OCA2: variants seen among roughly 807,000 people sequenced by gnomAD.
The protein encoded by OCA2 is P protein.
Under a neutral mutation model 100.2 loss-of-function variants are expected in OCA2, and 77 were observed. The ratio of observed to expected loss-of-function variants is 0.77; its 90% CI spans 0.64 to 0.93. OCA2 has a LOEUF of 0.93. OCA2 is among the 40% of genes least tolerant of loss of function. OCA2 has a pLI of 0.00. For synonymous variants in OCA2, 432 were observed against 439.2 expected, an observed-to-expected ratio of 0.98 and a Z score of 0.21; for missense variants, 1,062 against 1,089.1, an observed-to-expected ratio of 0.98 and a Z score of 0.35.
chr15:28,069,820 C>A (rs1186683648), intron 2 of OCA2, among the ~76,000 whole-genome samples: 1 of 132,644 alleles, frequency 7.5e-6, no homozygotes, highest in East Asian at 2.5e-4. Flanking sequence ...TGCCCGGCCG[C>A]CACCCCGTCT....
At chr15:27,759,551 G>A (rs961930055) in intron 23 of OCA2, among the ~76,000 whole-genome samples, 3 of 151,954 alleles carry the variant, frequency 2.0e-5, no homozygotes, top group Admixed American at 1.3e-4. Context: ...GTATATTTCA[G>A]AGCAAAGAAC....
At chr15:27,942,535 A>G (rs1464894428) in intron 18 of OCA2, among the ~76,000 whole-genome samples, 1 of 152,092 alleles carries the variant, frequency 6.6e-6, no homozygotes, top group East Asian at 1.9e-4. Flanking sequence ...AGTGACTACT[A>G]ATGGGTATAG....
intron 23 of OCA2, among the ~76,000 whole-genome samples, chr15:27,772,849 A>AAAG (rs1352114600): frequency 6.6e-6 from 1 of 151,624 alleles, no homozygotes; most frequent in Non-Finnish European, 1.5e-5. Flanking sequence ...TCAAAAAAAA[A>AAAG]AAAAAGGAAA....
chr15:27,826,496 C>G (rs576986423), intron 23 of OCA2, among the ~76,000 whole-genome samples: 13 of 152,230 alleles, frequency 8.5e-5, no homozygotes, highest in Non-Finnish European at 1.8e-4. Context: ...GTAGACGGAA[C>G]CCAGGCCTGG....
chr15:27,720,480 T>C, the OCA2 span, among the ~76,000 whole-genome samples: 91 of 150,700 alleles, frequency 6.0e-4, no homozygotes, highest in African/African-American at 2.1e-3. Context: ...TTTTTATATG[T>C]TTATGTATAG....
In OCA2 at chr15:27,913,817, AGAAAGAAAGAAAGAAAGAAAG is replaced by A. The variant is rs1389054937; in HGVS notation, c.2079+12289_2079+12309del. Among the ~76,000 whole-genome samples, 58 of 61,896 alleles carry A rather than the reference AGAAAGAAAGAAAGAAAGAAAG, an allele frequency of 9.4e-4. 4 individuals carry two copies. In the East Asian group the frequency reaches 0.011, roughly 12 times the overall value. The allele number at this position is 61,896 out of a possible 152,430, so 40.6% of individuals were successfully genotyped here. On this transcript the variant is annotated intron_variant, in intron 19 of 23. Coordinates refer to ENST00000354638, the MANE Select transcript of OCA2 (RefSeq NM_000275.3). ...CAGAGACACAACAAAAAAAAAAAAGAGAAAGAAAGAAAGAAAGAAAGGAAAGAAAGAAAGAAAGAAAGAAAG... is the reference window on the plus strand; with the variant it reads ...CAGAGACACAACAAAAAAAAAAAAGAGAAAGAAAGAAAGAAAGAAAGAAAG...
At chr15:28,033,560 G>A (rs1386437995) in intron 2 of OCA2, among the ~76,000 whole-genome samples, 1 of 152,150 alleles carries the variant, frequency 6.6e-6, no homozygotes, top group African/African-American at 2.4e-5. Flanking sequence ...GTGAATATCC[G>A]CTGGGCGTCA....
chr15:27,773,266 T>C (rs570057162), intron 23 of OCA2, among the ~76,000 whole-genome samples: 2 of 152,320 alleles, frequency 1.3e-5, no homozygotes, highest in South Asian at 2.1e-4. Context: ...TATTCCTTTT[T>C]TTATTTATAG....
chr15:27,770,400 C>A (rs891196390), intron 23 of OCA2, among the ~76,000 whole-genome samples: 2 of 152,196 alleles, frequency 1.3e-5, no homozygotes, highest in African/African-American at 4.8e-5. Context: ...GCGCTGTCCC[C>A]GTCTCCGCCG....
At chr15:27,904,082 C>T (rs931702518) in intron 19 of OCA2, among the ~76,000 whole-genome samples, 6 of 152,202 alleles carry the variant, frequency 3.9e-5, no homozygotes, top group Admixed American at 6.5e-5. Context: ...CTTTATTCAG[C>T]TTCCCTGTGA....
At chr15:28,014,631 G>A (rs2042331014) in intron 9 of OCA2, 145 bp downstream of exon 9, 2 of 875,184 alleles carry the variant, frequency 2.3e-6, no homozygotes, top group East Asian at 2.7e-5. Context: ...TACCTAGAGA[G>A]AGGGACACGC....
chr15:27,938,506 G>C (rs949348737), intron 18 of OCA2, among the ~76,000 whole-genome samples: 12 of 144,726 alleles, frequency 8.3e-5, no homozygotes, highest in African/African-American at 3.2e-4. Context: ...GGAGAAAATT[G>C]TGATGGCAGG....
chr15:28,014,962 A>C, intron 8 of OCA2, 33 bp from the exon 9 acceptor site: 2 of 1,612,322 alleles, frequency 1.2e-6, no homozygotes, highest in Non-Finnish European at 1.7e-6. Context: ...TACTGTTCAC[A>C]AGGTCAACAG....
At chr15:28,030,680 C>T (rs955165212) in intron 3 of OCA2, among the ~76,000 whole-genome samples, 1 of 152,202 alleles carries the variant, frequency 6.6e-6, no homozygotes, top group African/African-American at 2.4e-5. Context: ...GAGGAGGCAG[C>T]TCCTCGGAAG....
At chr15:27,919,698 A>C (rs571867008) in intron 19 of OCA2, among the ~76,000 whole-genome samples, 20 of 152,330 alleles carry the variant, frequency 1.3e-4, no homozygotes, top group African/African-American at 4.3e-4. Flanking sequence ...AATGATGGAT[A>C]CATGTCATTA....
At chr15:27,729,727 A>G in the OCA2 span, among the ~76,000 whole-genome samples, 1 of 152,166 alleles carries the variant, frequency 6.6e-6, no homozygotes, top group East Asian at 1.9e-4. Flanking sequence ...CATGGTTGTT[A>G]TTAAATTGTG....
In OCA2 at chr15:27,957,786, G is replaced by A. The variant is rs1042387263; in HGVS notation, c.1637-51C>T. On this transcript the variant is annotated intron_variant, in intron 15 of 23. Transcript: ENST00000354638. This position sits in a 1 kb window ranked among gnomAD's most constrained non-coding sequence, Gnocchi z 4.3. ...GGGTCTCCCATGACCTCAGATATCA[G>A]CAACACCCTCCTCTGTTCCCCACAC... is the stretch of plus-strand genomic sequence containing the variant. The A allele has an allele frequency of 6.2e-7, 1 of 1,603,434 alleles. No individual in the cohort carries two copies. The highest frequency in any genetic ancestry group is 8.5e-7 in the Non-Finnish European group (1 of 1,172,346).
chr15:28,024,555 G>T (rs529438192), intron 5 of OCA2, among the ~76,000 whole-genome samples: 2 of 152,324 alleles, frequency 1.3e-5, no homozygotes, highest in East Asian at 3.9e-4. Context: ...TAAGCCACTC[G>T]AGGGGGAAGG....
At chr15:28,085,485 C>T (rs898851857) in intron 1 of OCA2, among the ~76,000 whole-genome samples, 1 of 152,166 alleles carries the variant, frequency 6.6e-6, no homozygotes, top group Non-Finnish European at 1.5e-5. Context: ...TGGAGTCAGA[C>T]ACTGGGATTC....
Sources: allele counts gnomAD v4.1 joint callset (sites outside exome capture counted in the v4.1 genomes callset), GRCh38; gene constraint gnomAD v4.1.1; non-coding constraint Gnocchi (gnomAD v3.1); transcripts MANE v1.5; gene names NCBI Gene and HGNC (gene_info 2026-07-23, HGNC 2026-07-21).